Variants in EYS observed in about 807,000 individuals in gnomAD.
EYS encodes EGF-like photoreceptor maintenance factor.
Under a neutral mutation model 282.1 loss-of-function variants are expected in EYS, and 250 were observed. The ratio of observed to expected loss-of-function variants is 0.89; its 90% CI spans 0.80 to 0.98. EYS has a LOEUF of 0.98. EYS is among the 50% of genes least tolerant of loss of function. EYS has a pLI of 0.00. For synonymous variants in EYS, 1,355 were observed against 1,282.9 expected, an observed-to-expected ratio of 1.06 and a Z score of -1.20; for missense variants, 4,016 against 3,709.0, an observed-to-expected ratio of 1.08 and a Z score of -2.15.
chr6:64,832,054 A>G (rs1050882283), intron 19 of EYS, among the ~76,000 whole-genome samples: 1 of 151,904 alleles, frequency 6.6e-6, no homozygotes, highest in South Asian at 2.1e-4. Context: ...GAAAGATATT[A>G]GACAATAGAA....
chr6:64,633,610 T>C (rs1220248209), intron 22 of EYS, among the ~76,000 whole-genome samples: 1 of 126,026 alleles, frequency 7.9e-6, no homozygotes, highest in Non-Finnish European at 1.7e-5. Flanking sequence ...TTCACATTCT[T>C]TCATACTTTT....
At chr6:64,828,918 C>T (rs11756361) in intron 19 of EYS, among the ~76,000 whole-genome samples, 23,200 of 151,952 alleles carry the variant, frequency 0.15, 2,024 homozygotes, top group East Asian at 0.44. Context: ...TGGATTGCTG[C>T]TTCCTTAAAG....
chr6:64,020,083 T>A (rs944969889), intron 33 of EYS, among the ~76,000 whole-genome samples: 15 of 152,130 alleles, frequency 9.9e-5, no homozygotes, highest in African/African-American at 3.4e-4. Context: ...AACTCTAGTA[T>A]CTACATTTAT....
At chr6:64,649,629 C>T (rs1016916669) in intron 22 of EYS, among the ~76,000 whole-genome samples, 11 of 152,130 alleles carry the variant, frequency 7.2e-5, no homozygotes, top group Admixed American at 1.3e-4. Context: ...TGAGCCACCA[C>T]GCCCAGCCAA....
chr6:63,761,732 T>C (rs374786218), intron 41 of EYS, among the ~76,000 whole-genome samples: 1 of 151,808 alleles, frequency 6.6e-6, no homozygotes, highest in South Asian at 2.1e-4. Flanking sequence ...GATAGAGAAA[T>C]AGTAGATAGT....
At chr6:65,016,674 T>C (rs1043263876) in intron 13 of EYS, among the ~76,000 whole-genome samples, 2 of 152,080 alleles carry the variant, frequency 1.3e-5, no homozygotes, top group Non-Finnish European at 1.5e-5. Flanking sequence ...TAATCAGCAA[T>C]AAAAACATGA....
At chr6:65,574,948 A>G (rs534619927) in intron 2 of EYS, among the ~76,000 whole-genome samples, 1 of 152,288 alleles carries the variant, frequency 6.6e-6, no homozygotes, top group South Asian at 2.1e-4. Flanking sequence ...GAAACTAAAA[A>G]TAAATGGTAA....
At chr6:63,940,671 G>GT (rs965162608) in intron 35 of EYS, among the ~76,000 whole-genome samples, 13 of 148,974 alleles carry the variant, frequency 8.7e-5, no homozygotes, top group Admixed American at 4.0e-4. Context: ...GCCTGAATAC[G>GT]TTTTTTTTTC....
chr6:63,936,377 C>T (rs773629836), intron 35 of EYS, among the ~76,000 whole-genome samples: 1 of 152,228 alleles, frequency 6.6e-6, no homozygotes, highest in Non-Finnish European at 1.5e-5. Flanking sequence ...ATATTGATTA[C>T]ATCCCTGGAT....
intron 35 of EYS, among the ~76,000 whole-genome samples, chr6:63,976,709 T>C (rs1313938704): frequency 6.6e-6 from 1 of 152,078 alleles, no homozygotes; most frequent in African/African-American, 2.4e-5. Context: ...ATGTGGTTTA[T>C]ACAATTGTAT....
intron 14 of EYS, among the ~76,000 whole-genome samples, chr6:64,994,108 T>C (rs1349154516): frequency 1.3e-5 from 2 of 151,980 alleles, no homozygotes; most frequent in Non-Finnish European, 2.9e-5. Flanking sequence ...GAAATAGTTA[T>C]TCTCAAATAT....
At chr6:63,779,140 A>T (rs1770141265) in intron 39 of EYS, 1 of 146,354 alleles carries the variant, frequency 6.8e-6, no homozygotes, top group African/African-American at 2.5e-5. Context: ...TCTTTCAGAG[A>T]TTTTGCCTTT....
chr6:64,545,253 G>A (rs1212042040), intron 26 of EYS, among the ~76,000 whole-genome samples: 1 of 152,096 alleles, frequency 6.6e-6, no homozygotes, highest in African/African-American at 2.4e-5. Flanking sequence ...GATATAAACA[G>A]AACCAACGAC....
chr6:65,634,860 C>G (rs1450670283), intron 2 of EYS, among the ~76,000 whole-genome samples: 1 of 152,180 alleles, frequency 6.6e-6, no homozygotes, highest in Non-Finnish European at 1.5e-5. Flanking sequence ...TCTTCTATAA[C>G]TAAAAGTTCT....
At chr6:65,182,600 C>T (rs1271337537) in intron 12 of EYS, among the ~76,000 whole-genome samples, 1 of 151,758 alleles carries the variant, frequency 6.6e-6, no homozygotes, top group Non-Finnish European at 1.5e-5. Context: ...AAAACACACA[C>T]TCAATCATAA....
intron 13 of EYS, among the ~76,000 whole-genome samples, chr6:65,029,328 C>G (rs539363667): frequency 3.4e-4 from 51 of 151,770 alleles, no homozygotes; most frequent in African/African-American, 1.2e-3. Context: ...TACATACATA[C>G]ACATATGTAT....
chr6:64,586,070 T>C (rs560815654), intron 26 of EYS, among the ~76,000 whole-genome samples: 1 of 152,244 alleles, frequency 6.6e-6, no homozygotes, highest in East Asian at 1.9e-4. Flanking sequence ...AAAATTCATG[T>C]TGAAGCTCAA....
chr6:65,069,821 G>C (rs535312962), intron 12 of EYS, among the ~76,000 whole-genome samples: 23 of 151,898 alleles, frequency 1.5e-4, no homozygotes, highest in South Asian at 1.5e-3. Context: ...TATCTGAACA[G>C]CTATTGAAAG....
chr6:64,590,517 A>C lies in EYS; in HGVS notation c.5350T>G (p.Phe1784Val), dbSNP rs1476952723. 3 of 1,551,328 alleles carry C rather than the reference A, an allele frequency of 1.9e-6. No homozygotes were observed. The highest frequency in any genetic ancestry group is 2.6e-6 in the Non-Finnish European group (3 of 1,146,824). The stretch of plus-strand genomic sequence containing the variant: ...GCAACATTGGTGGTGACTTCTGAAA[A>C]ATCAGGCACTGAGCCTGTCAATGGT... ...LPPLTGSVPD[F>V]SEVTTNVAFY... The change falls in exon 26 of 43, where the codon TTT (phenylalanine) becomes GTT (valine). Residue 1784 changes from phenylalanine (F) to valine (V), a missense_variant. Physicochemically the swap from Phe to Val is conservative, Grantham distance 50 (BLOSUM62 -1). Transcript: ENST00000503581.
Sources: gnomAD v4.1 joint callset for allele counts (sites outside exome capture counted in the v4.1 genomes callset) on GRCh38, gnomAD v4.1.1 for gene constraint, MANE v1.5 for transcripts, NCBI Gene and HGNC (gene_info 2026-07-23, HGNC 2026-07-21) for gene names.